The following PSG1 variants were observed in gnomAD, a reference collection of about 807,000 sequenced individuals.
PSG1 encodes pregnancy specific beta-1-glycoprotein 1, also known as pregnancy-specific beta-1-glycoprotein 1.
In PSG1, 60 loss-of-function variants were observed where a neutral mutation model predicts 41.4. The ratio of observed to expected loss-of-function variants is 1.45; its 90% CI spans 1.18 to 1.80. PSG1 has a LOEUF of 1.80. Ranked by LOEUF, PSG1 falls within the 40% of genes most tolerant of loss-of-function variation. PSG1 has a pLI of 0.00. For missense variants in PSG1, 806 were observed against 516.9 expected (o/e 1.56, Z -5.42); for synonymous variants, 256 against 192.9 (o/e 1.33, Z -2.71).
chr19:42,877,399 A>G (rs933180482), intron 2 of PSG1, among the ~76,000 whole-genome samples: 5 of 151,552 alleles, frequency 3.3e-5, no homozygotes, highest in African/African-American at 1.2e-4. Context: ...GCTCCAGGAG[A>G]CACAGTCCTC....
chr19:42,871,480 G>T (rs1376229274), intron 3 of PSG1, among the ~76,000 whole-genome samples: 1 of 151,698 alleles, frequency 6.6e-6, no homozygotes, highest in Non-Finnish European at 1.5e-5. Flanking sequence ...TGAAGTCCCA[G>T]CCAAATCCCC....
intron 2 of PSG1, among the ~76,000 whole-genome samples, chr19:42,877,677 C>G (rs1166121850): frequency 2.0e-5 from 3 of 151,674 alleles, no homozygotes; most frequent in Non-Finnish European, 4.4e-5. Flanking sequence ...CTGAGTCCCC[C>G]CATCAGACTG....
Position 42,871,808 on chromosome 19 carries a change from A to C in PSG1, c.668T>G (p.Val223Gly), listed in dbSNP as rs142292735. ...GPYECEIRNP[V>G]SASRSDPVTL... ...GACTGGGTCACTGCGGCTGGCACTC[A>C]CTGGGTTCCGTATTTCACATTCATA... Residue 223 changes from valine to glycine, a missense_variant, in exon 3 of 6, where the codon GTG (valine) becomes GGG (glycine). Transcript: ENST00000436291. 7 of 1,612,450 alleles carry C rather than the reference A, an allele frequency of 4.3e-6. No individual in the cohort carries two copies. The African/African-American group carries it at 5.4e-5, about 12-fold the overall frequency.
At position 42,876,134 on chromosome 19, in the gene PSG1, A is replaced by G. The variant is rs767027203; in HGVS notation, c.430+1779T>C. ...GCCAGAGTGGTTAGAGGGAGTGTCT[A>G]GGGAAGGCCTAGAGGTGGAGGAAGA... On this transcript the variant is annotated intron_variant, in intron 2 of 5. Coordinates refer to ENST00000436291, the MANE Select transcript of PSG1 (RefSeq NM_001184825.2). Among the ~76,000 whole-genome samples, 35 of 151,352 alleles carry G rather than the reference A, an allele frequency of 2.3e-4. 2 individuals are homozygous for G. The highest frequency in any genetic ancestry group is 1.2e-3 in the East Asian group (6 of 5,150).
chr19:42,874,734 A>G (rs934006512), intron 2 of PSG1, among the ~76,000 whole-genome samples: 1 of 151,564 alleles, frequency 6.6e-6, no homozygotes, highest in Non-Finnish European at 1.5e-5. Context: ...AGCTTGTTAT[A>G]CGCCTGTCAG....
rs148714192 is a variant in PSG1, at chr19:42,867,357, G to A, written c.1244-207C>T. 2.9e-3 allele frequency: 1,748 copies of A among 606,014 alleles called. 62 individuals are homozygous for A. In the African/African-American group the frequency reaches 0.03, roughly 10 times the overall value. 37.5% of individuals were successfully genotyped at this position (606,014 alleles called of 1,614,324 possible). A position where few individuals can be genotyped will look rare whatever the true frequency, so the allele number is the denominator to read the frequency against. On this transcript the variant is annotated intron_variant, in intron 5 of 5. Coordinates refer to ENST00000436291, the MANE Select transcript of PSG1 (RefSeq NM_001184825.2). ...GATTGTTTACATAAGTGCAGCAAGAGTAGCAATGGACCATGTAGGCTGTCT... is the reference window on the plus strand; with the variant it reads ...GATTGTTTACATAAGTGCAGCAAGAATAGCAATGGACCATGTAGGCTGTCT...
chr19:42,875,657 C>T (rs1052687317), intron 2 of PSG1, among the ~76,000 whole-genome samples: 1 of 151,368 alleles, frequency 6.6e-6, no homozygotes, highest in Admixed American at 6.6e-5. Flanking sequence ...ATTTTTTAGT[C>T]CTGTGGCCCT....
chr19:42,876,805 C>G (rs1214023580), intron 2 of PSG1: 2 of 155,964 alleles, frequency 1.3e-5, no homozygotes, highest in African/African-American at 4.8e-5. Flanking sequence ...GCTCTCACTC[C>G]TCTGAGGTTT....
intron 1 of PSG1, among the ~76,000 whole-genome samples, chr19:42,878,927 C>A (rs1422237072): frequency 2.0e-5 from 3 of 151,390 alleles, no homozygotes; most frequent in Non-Finnish European, 2.9e-5. Context: ...ACAGTGTTTC[C>A]TGCCCTGTTT....
chr19:42,876,004 C>G (rs576330563), intron 2 of PSG1, among the ~76,000 whole-genome samples: 4 of 151,046 alleles, frequency 2.6e-5, no homozygotes, highest in Admixed American at 6.6e-5. Context: ...GACATTGGCT[C>G]GAGAGGAAGC....
intron 1 of PSG1, among the ~76,000 whole-genome samples, 179 bp downstream of exon 1, chr19:42,879,339 A>G (rs1971767370): frequency 6.6e-6 from 1 of 151,292 alleles, no homozygotes; most frequent in Non-Finnish European, 1.5e-5. Flanking sequence ...TTTTCAGTAC[A>G]GACAGGGCTT....
At chr19:42,869,377 A>T in intron 3 of PSG1, 1 of 393,126 alleles carries the variant, frequency 2.5e-6, no homozygotes, top group Non-Finnish European at 4.5e-6. Context: ...CCTTACCTGG[A>T]ATATGCAACT....
rs376027384 is a variant in PSG1 at position 42,868,967 on chromosome 19, G to A, written c.777C>T (p.Asn259=). The A allele has an allele frequency of 5.6e-6, 9 of 1,610,414 alleles. No individual in the cohort carries two copies. In the African/African-American group the frequency reaches 9.4e-5, roughly 17 times the overall value. The change falls in exon 4 of 6, where the codon AAC becomes AAT. Residue 259 remains asparagine (N), a synonymous_variant. Transcript: ENST00000436291. The stretch of plus-strand genomic sequence containing the variant: ...TCTCACTCTTAGGTTCACAGGTGAA[G>A]TTTAAGACATCCTTATTCTCCCTGG... The part of the protein sequence containing the change: ...LNPRENKDVL[N]FTCEPKSENY...
intron 3 of PSG1, chr19:42,870,633 C>CA (rs957160121): frequency 1.3e-5 from 2 of 151,538 alleles, no homozygotes; most frequent in East Asian, 1.9e-4. Flanking sequence ...TCTAATTCTG[C>CA]AAAAAATGTT....
Position 42,872,149 on chromosome 19 carries a change from G to C in PSG1, c.431-104C>G, listed in dbSNP as rs1353568363. 41 of 1,462,294 alleles carry C rather than the reference G, an allele frequency of 2.8e-5. 1 individual carries two copies. The East Asian group carries it at 7.5e-4, about 27-fold the overall frequency. 90.6% of individuals were successfully genotyped at this position (1,462,294 alleles called of 1,614,324 possible). A position where few individuals can be genotyped will look rare whatever the true frequency, so the allele number is the denominator to read the frequency against. On this transcript the variant is annotated intron_variant, in intron 2 of 5. Transcript: ENST00000436291. ...ATTTCCCACCTCTCAGCCCACCCAA[G>C]TCCTTAAAAGCCCATGGCAGGTGTG...
At chr19:42,871,703 C>A in intron 3 of PSG1, 64 bp downstream of exon 3, 1 of 1,612,388 alleles carries the variant, frequency 6.2e-7, no homozygotes, top group East Asian at 2.2e-5. Flanking sequence ...ACAGAGAGGC[C>A]TGGCCTCTGG....
chr19:42,877,161 C>T (rs564239392), intron 2 of PSG1, among the ~76,000 whole-genome samples: 1 of 151,654 alleles, frequency 6.6e-6, no homozygotes, highest in South Asian at 2.1e-4. Flanking sequence ...GAGAAAGCAC[C>T]TTTACGTCAG....
Position 42,866,841 on chromosome 19 carries a change from T to C in PSG1, c.*293A>G. 1 of 615,886 alleles carries C rather than the reference T, an allele frequency of 1.6e-6. No homozygotes were observed. Among genetic ancestry groups the C allele is most frequent in the South Asian group, 1.9e-5 (1 of 52,844 alleles). The allele number at this position is 615,886 out of a possible 1,614,324, so 38.2% of individuals were successfully genotyped here. ...AAGAGGCAGGCATGAGCAAGGACAG[T>C]TAAGAGGGGGGAGAGCCTCATCATG... is the stretch of plus-strand genomic sequence containing the variant. On this transcript the variant is annotated 3_prime_UTR_variant, in exon 6 of 6. Transcript: ENST00000436291.
intron 2 of PSG1, among the ~76,000 whole-genome samples, chr19:42,872,423 C>T (rs1971432699): frequency 6.6e-6 from 1 of 151,672 alleles, no homozygotes; most frequent in South Asian, 2.1e-4. Context: ...GTTTCAGTCT[C>T]ACTTTGCCCA....
Sources: allele counts gnomAD v4.1 joint callset (sites outside exome capture counted in the v4.1 genomes callset), GRCh38; gene constraint gnomAD v4.1.1; transcripts MANE v1.5; gene names NCBI Gene and HGNC (gene_info 2026-07-23, HGNC 2026-07-21).